The following STX18 variants were observed in gnomAD, a reference collection of about 807,000 sequenced individuals.
STX18 encodes the protein syntaxin-18.
In STX18, 40 loss-of-function variants were observed where a neutral mutation model predicts 50.1. That is an observed-to-expected ratio of 0.80 (90% confidence interval 0.62 to 1.04). STX18 has a LOEUF of 1.04. Ranked by LOEUF, STX18 falls within the 50% of genes least tolerant of loss-of-function variation. STX18 has a pLI of 0.00. For synonymous variants in STX18, 158 were observed against 151.8 expected (o/e 1.04, Z -0.30); for missense variants, 410 against 415.8 (o/e 0.99, Z 0.12).
chr4:4,526,457 T>C (rs1161896906), intron 1 of STX18, among the ~76,000 whole-genome samples: 1 of 152,120 alleles, frequency 6.6e-6, no homozygotes, highest in Non-Finnish European at 1.5e-5. Context: ...GCAGTCAGGG[T>C]GGAGGAGCTC....
chr4:4,528,800 A>G (rs1037127006), intron 1 of STX18, among the ~76,000 whole-genome samples: 8 of 152,214 alleles, frequency 5.3e-5, no homozygotes, highest in Non-Finnish European at 1.2e-4. Context: ...TGGCTGGCCA[A>G]TGCAGTGGTT....
chr4:4,496,801 G>C (rs1056067343), intron 1 of STX18, among the ~76,000 whole-genome samples: 1 of 152,166 alleles, frequency 6.6e-6, no homozygotes, highest in African/African-American at 2.4e-5. Context: ...TGTCATGCAG[G>C]AGACTAAAAT....
At chr4:4,506,749 G>T (rs149340291) in intron 1 of STX18, among the ~76,000 whole-genome samples, 1 of 152,314 alleles carries the variant, frequency 6.6e-6, no homozygotes, top group East Asian at 1.9e-4. Flanking sequence ...TAGAGTTAGA[G>T]AATAAATGCA....
At chr4:4,449,420 G>A (rs1437829858) in intron 5 of STX18, among the ~76,000 whole-genome samples, 5 of 152,058 alleles carry the variant, frequency 3.3e-5, no homozygotes, top group Non-Finnish European at 5.9e-5. Context: ...ATCACACACT[G>A]CTCCTAACTA....
intron 1 of STX18, among the ~76,000 whole-genome samples, chr4:4,522,818 G>A (rs1730573922): frequency 6.6e-6 from 1 of 152,158 alleles, no homozygotes; most frequent in Non-Finnish European, 1.5e-5. Flanking sequence ...CAAGATACTT[G>A]CATTGTTGCA....
At chr4:4,480,077 A>G (rs930174711) in intron 1 of STX18, among the ~76,000 whole-genome samples, 4 of 152,258 alleles carry the variant, frequency 2.6e-5, no homozygotes, top group Admixed American at 2.6e-4. Context: ...ATGCACACCT[A>G]GAGCTGTATA....
intron 1 of STX18, among the ~76,000 whole-genome samples, chr4:4,538,461 C>T (rs1022500789): frequency 4.6e-5 from 7 of 151,986 alleles, no homozygotes; most frequent in African/African-American, 1.2e-4. Context: ...TCATTCCTCA[C>T]GCACTTAACT....
intron 3 of STX18, among the ~76,000 whole-genome samples, chr4:4,457,743 AGGATAGTATTTGACG>A (rs1727155725): frequency 6.6e-6 from 1 of 152,256 alleles, no homozygotes; most frequent in South Asian, 2.1e-4. Context: ...AGAACACTTA[AGGATAGTATTTGACG>A]CAGCCACTTC....
chr4:4,497,979 C>A (rs1175300524), intron 1 of STX18, among the ~76,000 whole-genome samples: 1 of 152,158 alleles, frequency 6.6e-6, no homozygotes, highest in Non-Finnish European at 1.5e-5. Flanking sequence ...CGTCTAAGGT[C>A]TATGGTCTGT....
At chr4:4,488,373 A>G (rs1314727342) in intron 1 of STX18, among the ~76,000 whole-genome samples, 1 of 152,248 alleles carries the variant, frequency 6.6e-6, no homozygotes, top group African/African-American at 2.4e-5. Context: ...AAGCACCAGT[A>G]CATACACCTA....
At chr4:4,473,826 T>C (rs1728043241) in intron 1 of STX18, among the ~76,000 whole-genome samples, 1 of 152,164 alleles carries the variant, frequency 6.6e-6, no homozygotes, top group Non-Finnish European at 1.5e-5. Flanking sequence ...GTAGAATACA[T>C]TCGACAGTGG....
intron 9 of STX18, 139 bp downstream of exon 9, chr4:4,423,379 G>A (rs1276125981): frequency 1.1e-5 from 9 of 813,902 alleles, no homozygotes; most frequent in Non-Finnish European, 1.8e-5. Context: ...GAGGAGCTCT[G>A]CGCACACACA....
rs140311328 is a variant in STX18 at position 4,440,687 on chromosome 4, C to G, written c.498-2178G>C. ...ATAACCTGATTGCAGACACTCTCTT[C>G]ACAGAGTTTTTTGAGAGCAGTTTTC... On this transcript the variant is annotated intron_variant, in intron 5 of 10. Transcript: ENST00000306200. Among the ~76,000 whole-genome samples the G allele has an allele frequency of 5.9e-3, 905 of 152,290 alleles. 8 individuals are homozygous for G. The highest frequency in any genetic ancestry group is 0.021 in the African/African-American group (859 of 41,554).
intron 2 of STX18, among the ~76,000 whole-genome samples, chr4:4,460,587 C>T (rs1727328201): frequency 6.6e-6 from 1 of 152,174 alleles, no homozygotes; most frequent in African/African-American, 2.4e-5. Context: ...CACCCCTATC[C>T]CACGGCCCCT....
chr4:4,505,448 C>T (rs947259400), intron 1 of STX18, among the ~76,000 whole-genome samples: 6 of 152,086 alleles, frequency 3.9e-5, no homozygotes, highest in Admixed American at 1.3e-4. Context: ...AGTGTCATAC[C>T]GCACATTGCT....
chr4:4,495,334 T>G (rs1293846050), intron 1 of STX18, among the ~76,000 whole-genome samples: 2 of 152,128 alleles, frequency 1.3e-5, no homozygotes, highest in Non-Finnish European at 2.9e-5. Context: ...TTACAAATGA[T>G]GGGGACGCAA....
At chr4:4,491,417 A>G (rs16835776) in intron 1 of STX18, among the ~76,000 whole-genome samples, 31,035 of 152,112 alleles carry the variant, frequency 0.2, 3,329 homozygotes, top group East Asian at 0.33. Context: ...TAACGTAGGA[A>G]AAAGGATATA....
intron 5 of STX18, 147 bp from the exon 6 acceptor site, chr4:4,438,656 C>T (rs1052775679): frequency 4.3e-5 from 27 of 624,702 alleles, no homozygotes; most frequent in Non-Finnish European, 6.7e-5. Flanking sequence ...AGTGGCCATC[C>T]GGACACACCT....
intron 1 of STX18, among the ~76,000 whole-genome samples, chr4:4,509,455 T>C (rs1424444303): frequency 6.6e-6 from 1 of 152,140 alleles, no homozygotes; most frequent in Non-Finnish European, 1.5e-5. Flanking sequence ...CTCTGGATAT[T>C]AGACCCTTGC....
Sources: allele counts gnomAD v4.1 joint callset (sites outside exome capture counted in the v4.1 genomes callset), GRCh38; gene constraint gnomAD v4.1.1; transcripts MANE v1.5; gene names NCBI Gene and HGNC (gene_info 2026-07-23, HGNC 2026-07-21).